Variants in ULBP3 observed in about 807,000 individuals in gnomAD.
ULBP3 encodes the protein UL16-binding protein 3.
ULBP3 carries 25 observed loss-of-function variants against 24.9 expected under a neutral mutation model. That is an observed-to-expected ratio of 1.00 (90% CI 0.73 to 1.40). The LOEUF (loss-of-function observed/expected upper bound fraction) is 1.40, where lower values mean the gene tolerates loss of function less well. ULBP3 is among the 40% of genes most tolerant of loss of function. ULBP3 has a pLI of 0.00. For missense variants in ULBP3, 306 were observed against 307.5 expected, an observed-to-expected ratio of 1.00 and a Z score of 0.04; for synonymous variants, 114 against 114.7, an observed-to-expected ratio of 0.99 and a Z score of 0.04.
chr6:150,065,325 C>A, intron 3 of ULBP3, 73 bp downstream of exon 3: 1 of 1,584,536 alleles, frequency 6.3e-7, no homozygotes, highest in South Asian at 1.2e-5. Context: ...ACCCACCATA[C>A]TCAGACACTG....
chr6:150,064,863 A>C (rs1776322718), intron 3 of ULBP3, 150 bp from the exon 4 acceptor site: 4 of 784,080 alleles, frequency 5.1e-6, no homozygotes, highest in Non-Finnish European at 8.2e-6. Flanking sequence ...TCCTGGGGGT[A>C]GGAAGGGAGA....
At position 150,061,785 on chromosome 6, in the gene ULBP3, A is replaced by G. The variant is rs890808874; in HGVS notation, c.*1589T>C. Among the ~76,000 whole-genome samples the G allele has an allele frequency of 5.8e-4, 89 of 152,352 alleles. 1 individual carries two copies. In the South Asian group the frequency reaches 8.1e-3, roughly 14 times the overall value. ...GATATATCCCGAGTAGTGGGATTGC[A>G]GGCTTGAATGGTAGTTCTATTTTAA... On this transcript the variant is annotated 3_prime_UTR_variant, in exon 5 of 5. Coordinates refer to ENST00000367339, the MANE Select transcript of ULBP3 (RefSeq NM_024518.3).
Position 150,069,096 on chromosome 6 carries a change from C to T in ULBP3, c.-30G>A. 6.2e-7 allele frequency: 1 copy of T among 1,601,542 alleles called. No homozygotes were observed. The highest frequency in any genetic ancestry group is 1.1e-5 in the South Asian group (1 of 89,010). ...GACCAGGAGCGCCCGGGACACAAGG[C>T]GCAGTCGATGTGGAGACCAGCGTAT... is the stretch of plus-strand genomic sequence containing the variant. On this transcript the variant is annotated 5_prime_UTR_variant, in exon 1 of 5. Coordinates refer to ENST00000367339, the MANE Select transcript of ULBP3 (RefSeq NM_024518.3).
intron 1 of ULBP3, among the ~76,000 whole-genome samples, chr6:150,067,050 C>T (rs1340351084): frequency 6.6e-6 from 1 of 152,134 alleles, no homozygotes; most frequent in Non-Finnish European, 1.5e-5. Context: ...TCTTACAAAG[C>T]TATGCCCATG....
At chr6:150,064,402 G>C (rs1442678380) in intron 4 of ULBP3, among the ~76,000 whole-genome samples, 183 bp downstream of exon 4, 3 of 152,152 alleles carry the variant, frequency 2.0e-5, no homozygotes, top group Non-Finnish European at 4.4e-5. Context: ...GAATCCATCA[G>C]AACTCAAGGT....
intron 1 of ULBP3, among the ~76,000 whole-genome samples, chr6:150,067,247 G>C (rs1004607548): frequency 6.6e-6 from 1 of 152,188 alleles, no homozygotes; most frequent in African/African-American, 2.4e-5. Context: ...CTCAGACGCA[G>C]AGTCCATTAC....
chr6:150,067,295 A>C (rs2114794468), intron 1 of ULBP3, among the ~76,000 whole-genome samples: 2 of 152,222 alleles, frequency 1.3e-5, no homozygotes, highest in Middle Eastern at 6.8e-3. Flanking sequence ...GGCTCCTTCA[A>C]CCCCACAGCA....
chr6:150,066,646 C>T (rs1348635249), intron 1 of ULBP3, among the ~76,000 whole-genome samples: 2 of 152,162 alleles, frequency 1.3e-5, no homozygotes, highest in African/African-American at 2.4e-5. Flanking sequence ...ACCCACACCG[C>T]ATGAAACAGA....
intron 4 of ULBP3, among the ~76,000 whole-genome samples, chr6:150,063,991 C>T (rs1001139093): frequency 6.6e-6 from 1 of 152,262 alleles, no homozygotes; most frequent in East Asian, 1.9e-4. Flanking sequence ...CCAAGGGGCT[C>T]GGCCATTTCC....
chr6:150,065,604 T>C lies in ULBP3; in HGVS notation c.422A>G (p.Gln141Arg), dbSNP rs367595267. The change falls in exon 3 of 5, where the codon CAG (glutamine) becomes CGG (arginine). Residue 141 changes from glutamine to arginine, a missense_variant. Gln to Arg is a conservative substitution (Grantham distance 43). Transcript: ENST00000367339. ...GAACTTCCGTCCATCGAAGCTGAAC[T>C]GCCAAGATCCACGGATGTATCCATC... ...EADGYIRGSWQFSFDGRKFLL... is the reference protein window; with the variant it reads ...EADGYIRGSWRFSFDGRKFLL... 3.7e-6 allele frequency: 6 copies of C among 1,614,210 alleles called. No individual in the cohort carries two copies. The highest frequency in any genetic ancestry group is 4.2e-6 in the Non-Finnish European group (5 of 1,180,016).
At position 150,062,142 on chromosome 6, in the gene ULBP3, G is replaced by T. The variant is rs552284428; in HGVS notation, c.*1232C>A. ...GGATATTGGACCTTTGTCAGATGCA[G>T]AGTTTGCAAATAGTTTCCCCATTCT... On this transcript the variant is annotated 3_prime_UTR_variant, in exon 5 of 5. Coordinates refer to ENST00000367339, the MANE Select transcript of ULBP3 (RefSeq NM_024518.3). Among the ~76,000 whole-genome samples, 12 of 152,310 alleles carry T rather than the reference G, an allele frequency of 7.9e-5. No individual in the cohort carries two copies. Among genetic ancestry groups the T allele is most frequent in the Admixed American group, 2.0e-4 (3 of 15,308 alleles).
At chr6:150,064,862 T>A (rs1582865042) in intron 3 of ULBP3, 149 bp from the exon 4 acceptor site, 4 of 789,770 alleles carry the variant, frequency 5.1e-6, no homozygotes, top group Non-Finnish European at 8.1e-6. Flanking sequence ...GTCCTGGGGG[T>A]AGGAAGGGAG....
intron 1 of ULBP3, among the ~76,000 whole-genome samples, chr6:150,067,186 C>T (rs1357325911): frequency 2.0e-5 from 3 of 152,154 alleles, no homozygotes; most frequent in African/African-American, 7.2e-5. Flanking sequence ...AAAGTTGTCA[C>T]CCCGGGAAAT....
At position 150,069,000 on chromosome 6, in the gene ULBP3, A is replaced by T; in HGVS notation, c.67T>A (p.Trp23Arg). 6.2e-7 allele frequency: 1 copy of T among 1,609,490 alleles called. No individual in the cohort carries two copies. The highest frequency in any genetic ancestry group is 8.5e-7 in the Non-Finnish European group (1 of 1,177,964). ...LAILPYLLFD[W>R]SGTGRADAHS... Reference sequence around the variant, plus strand: ...TCACCGGCCCGCCCCGTCCCGGACCAGTCGAATAGCAGGTACGGAAGAATC... The same window carrying T: ...TCACCGGCCCGCCCCGTCCCGGACCTGTCGAATAGCAGGTACGGAAGAATC... Residue 23 changes from tryptophan (W) to arginine (R), a missense_variant, in exon 1 of 5, where the codon TGG (tryptophan) becomes AGG (arginine). Trp to Arg is a moderately radical substitution (Grantham distance 101). Transcript: ENST00000367339.
chr6:150,066,202 G>C (rs1175266844), intron 1 of ULBP3, 40 bp from the exon 2 acceptor site: 1 of 1,594,916 alleles, frequency 6.3e-7, no homozygotes, highest in African/African-American at 1.3e-5. Flanking sequence ...GTGTTGGGGT[G>C]GGGGAAAGAC....
At chr6:150,067,189 C>T (rs575217389) in intron 1 of ULBP3, among the ~76,000 whole-genome samples, 4 of 152,248 alleles carry the variant, frequency 2.6e-5, no homozygotes, top group South Asian at 2.1e-4. Flanking sequence ...GTTGTCACCC[C>T]GGGAAATAAC....
rs1388246860 is a variant in ULBP3, at chr6:150,062,578, T to C, written c.*796A>G. Among the ~76,000 whole-genome samples the C allele has an allele frequency of 6.6e-6, 1 of 152,156 alleles. No homozygotes were observed. Among genetic ancestry groups the C allele is most frequent in the Non-Finnish European group, 1.5e-5 (1 of 68,018 alleles). ...AAAAAACTATAATGATAAAAAGGAT[T>C]AATACAATTCTTGGTCAGTGCATGG... is the stretch of plus-strand genomic sequence containing the variant. On this transcript the variant is annotated 3_prime_UTR_variant, in exon 5 of 5. Transcript: ENST00000367339.
chr6:150,068,900 CCCT>C, intron 1 of ULBP3, 76 bp downstream of exon 1: 3 of 1,420,746 alleles, frequency 2.1e-6, no homozygotes, highest in Non-Finnish European at 2.8e-6. Context: ...TAGAAGGCTT[CCCT>C]CCTCTGAAAC....
chr6:150,065,734 C>T (rs1415083583), intron 2 of ULBP3, 61 bp from the exon 3 acceptor site: 20 of 1,596,602 alleles, frequency 1.3e-5, no homozygotes, highest in Non-Finnish European at 1.6e-5. Context: ...TGTCCCACAT[C>T]CTCCTATGCT....
Sources: allele counts gnomAD v4.1 joint callset (sites outside exome capture counted in the v4.1 genomes callset), GRCh38; gene constraint gnomAD v4.1.1; transcripts MANE v1.5; gene names NCBI Gene and HGNC (gene_info 2026-07-23, HGNC 2026-07-21).